The following SLC25A13 variants were observed in gnomAD, a reference collection of about 807,000 sequenced individuals.
The protein encoded by SLC25A13 is electrogenic aspartate/glutamate antiporter SLC25A13, mitochondrial.
In SLC25A13, 70 loss-of-function variants were observed where a neutral mutation model predicts 85.5. The observed-to-expected ratio is 0.82, with a 90% CI of 0.68 to 1.00. SLC25A13 has a LOEUF of 1.00. Ranked by LOEUF, SLC25A13 falls within the 50% of genes least tolerant of loss-of-function variation. The pLI, the probability that SLC25A13 is intolerant of heterozygous loss-of-function variation, is 0.00. For missense variants in SLC25A13, 765 were observed against 819.8 expected (o/e 0.93, Z 0.82); for synonymous variants, 259 against 288.7 (o/e 0.90, Z 1.04).
At chr7:96,210,909 T>TA (rs1197743894) in intron 4 of SLC25A13, among the ~76,000 whole-genome samples, 1 of 132,114 alleles carries the variant, frequency 7.6e-6, no homozygotes, top group African/African-American at 2.6e-5. Context: ...TCCAGTGAAA[T>TA]AAAGTTTTAA....
intron 15 of SLC25A13, among the ~76,000 whole-genome samples, chr7:96,122,610 A>T (rs900896640): frequency 1.3e-5 from 2 of 152,196 alleles, no homozygotes; most frequent in Non-Finnish European, 2.9e-5. Flanking sequence ...TGGGAGAAGG[A>T]GACTCCTACA....
At chr7:96,283,093 C>T (rs1431445208) in intron 2 of SLC25A13, among the ~76,000 whole-genome samples, 1 of 152,180 alleles carries the variant, frequency 6.6e-6, no homozygotes, top group African/African-American at 2.4e-5. Context: ...TAAACCCATT[C>T]TAACCCAATG....
intron 2 of SLC25A13, among the ~76,000 whole-genome samples, chr7:96,280,268 T>A (rs951012608): frequency 2.6e-5 from 4 of 152,192 alleles, no homozygotes; most frequent in Non-Finnish European, 5.9e-5. Flanking sequence ...AAATAAATAT[T>A]TTTTTAAAAG....
At chr7:96,244,555 G>C (rs1797112847) in intron 3 of SLC25A13, among the ~76,000 whole-genome samples, 1 of 152,160 alleles carries the variant, frequency 6.6e-6, no homozygotes, top group Non-Finnish European at 1.5e-5. Flanking sequence ...AGTTGGAACA[G>C]ATATCCTTTC....
intron 3 of SLC25A13, among the ~76,000 whole-genome samples, chr7:96,267,543 T>C (rs1176989947): frequency 6.6e-6 from 1 of 152,200 alleles, no homozygotes; most frequent in African/African-American, 2.4e-5. Flanking sequence ...CCGGGCATAG[T>C]GGCTCACGTC....
At chr7:96,206,872 A>G (rs1041212742) in intron 5 of SLC25A13, among the ~76,000 whole-genome samples, 3 of 152,214 alleles carry the variant, frequency 2.0e-5, no homozygotes, top group African/African-American at 7.2e-5. Flanking sequence ...AGTATAATTG[A>G]CACTTGCTTA....
chr7:96,157,137 CA>C (rs1793301055), intron 13 of SLC25A13, among the ~76,000 whole-genome samples: 1 of 152,188 alleles, frequency 6.6e-6, no homozygotes, highest in Admixed American at 6.5e-5. Flanking sequence ...ACTGTGACTA[CA>C]ACCATGTCAG....
chr7:96,289,798 A>G (rs1234646915), intron 2 of SLC25A13, among the ~76,000 whole-genome samples: 1 of 152,222 alleles, frequency 6.6e-6, no homozygotes, highest in Non-Finnish European at 1.5e-5. Context: ...TGTACCTGAA[A>G]GTGATGGGGA....
chr7:96,321,791 C>T, intron 1 of SLC25A13, 151 bp downstream of exon 1: 1 of 1,015,478 alleles, frequency 9.8e-7, no homozygotes, highest in Non-Finnish European at 1.4e-6. Context: ...GAGTGGCCCC[C>T]TCCCTCCAGC....
At chr7:96,202,035 T>C (rs1795277077) in intron 5 of SLC25A13, among the ~76,000 whole-genome samples, 1 of 152,176 alleles carries the variant, frequency 6.6e-6, no homozygotes, top group East Asian at 1.9e-4. Context: ...ATAACCAAAA[T>C]GTTCATGTTA....
intron 13 of SLC25A13, among the ~76,000 whole-genome samples, chr7:96,156,205 T>C (rs1793258179): frequency 2.0e-5 from 3 of 152,234 alleles, no homozygotes; most frequent in Admixed American, 2.0e-4. Context: ...TCATCAGATA[T>C]ATCAAATTTT....
At position 96,273,717 on chromosome 7, in the gene SLC25A13, A is replaced by T. The variant is rs367650198; in HGVS notation, c.212+3479T>A. 1.1e-4 allele frequency among the ~76,000 whole-genome samples: 17 copies of T among 152,304 alleles called. No homozygotes were observed. The South Asian group carries it at 3.3e-3, about 30-fold the overall frequency. ...TGTGTGCTCACCATATTCTTCTCTC[A>T]ACTTTTTTGTGACTCAGATTTTTTT... On this transcript the variant is annotated intron_variant, in intron 3 of 17. Transcript: ENST00000265631.
intron 2 of SLC25A13, among the ~76,000 whole-genome samples, chr7:96,277,937 G>A (rs150922523): frequency 5.3e-4 from 80 of 152,292 alleles, no homozygotes; most frequent in African/African-American, 1.7e-3. Context: ...TACTAAGTGC[G>A]TGTCATCTTG....
chr7:96,134,121 C>T (rs185072106), intron 14 of SLC25A13, among the ~76,000 whole-genome samples: 45 of 151,170 alleles, frequency 3.0e-4, no homozygotes, highest in Non-Finnish European at 3.0e-4. Flanking sequence ...CTCCACCTCC[C>T]GGGTTCACGA....
At chr7:96,197,482 G>C (rs1210068742) in intron 5 of SLC25A13, among the ~76,000 whole-genome samples, 2 of 152,068 alleles carry the variant, frequency 1.3e-5, no homozygotes, top group African/African-American at 4.8e-5. Flanking sequence ...AAATCAGGAG[G>C]CCAGTGGGAG....
At chr7:96,314,132 A>T (rs1800046967) in intron 1 of SLC25A13, among the ~76,000 whole-genome samples, 1 of 152,072 alleles carries the variant, frequency 6.6e-6, no homozygotes, top group African/African-American at 2.4e-5. Context: ...GGAGGAAGGA[A>T]GGAGGAGAAA....
At chr7:96,299,248 C>G (rs1799463850) in intron 1 of SLC25A13, among the ~76,000 whole-genome samples, 1 of 152,064 alleles carries the variant, frequency 6.6e-6, no homozygotes, top group East Asian at 1.9e-4. Context: ...ATTCAGTGCT[C>G]CCCATCAGAA....
At chr7:96,162,322 G>A (rs1793538851) in intron 13 of SLC25A13, among the ~76,000 whole-genome samples, 1 of 152,142 alleles carries the variant, frequency 6.6e-6, no homozygotes, top group African/African-American at 2.4e-5. Flanking sequence ...ATAAGGAATG[G>A]TGACTTTGAG....
intron 12 of SLC25A13, among the ~76,000 whole-genome samples, chr7:96,170,954 C>T (rs1405261821): frequency 6.6e-6 from 1 of 152,150 alleles, no homozygotes; most frequent in East Asian, 1.9e-4. Flanking sequence ...AACCCAGATC[C>T]CTGCACATTT....
Sources: allele counts gnomAD v4.1 joint callset (sites outside exome capture counted in the v4.1 genomes callset), GRCh38; gene constraint gnomAD v4.1.1; transcripts MANE v1.5; gene names NCBI Gene and HGNC (gene_info 2026-07-23, HGNC 2026-07-21).